NRXN1: variants seen among roughly 807,000 people sequenced by gnomAD.
NRXN1 encodes neurexin-1.
Under a neutral mutation model 150.9 loss-of-function variants are expected in NRXN1, and 39 were observed. The observed-to-expected ratio is 0.26, with a 90% CI of 0.20 to 0.34. The LOEUF (loss-of-function observed/expected upper bound fraction) is 0.34, where lower values mean the gene tolerates loss of function less well. NRXN1 is among the 10% of genes least tolerant of loss of function. The pLI, the probability that NRXN1 is intolerant of heterozygous loss-of-function variation, is 1.00. For missense variants in NRXN1, 1,815 were observed against 1,949.9 expected (o/e 0.93, Z 1.30); for synonymous variants, 924 against 757.0 (o/e 1.22, Z -3.62).
At chr2:50,050,123 T>C (rs890137457) in intron 21 of NRXN1, among the ~76,000 whole-genome samples, 4 of 151,334 alleles carry the variant, frequency 2.6e-5, no homozygotes, top group Non-Finnish European at 4.4e-5. Context: ...AAGTAAACAT[T>C]GGGCTGAAAA....
At chr2:50,938,165 T>C (rs190318642) in intron 2 of NRXN1, among the ~76,000 whole-genome samples, 354 of 152,254 alleles carry the variant, frequency 2.3e-3, no homozygotes, top group Non-Finnish European at 4.0e-3. Flanking sequence ...CAGTAGATAG[T>C]GAGTAAATGT....
intron 9 of NRXN1, among the ~76,000 whole-genome samples, chr2:50,543,925 C>G (rs981398821): frequency 6.6e-6 from 1 of 152,000 alleles, no homozygotes; most frequent in Non-Finnish European, 1.5e-5. Flanking sequence ...GTGAGAAAAT[C>G]CGATGTTCCA....
At chr2:51,013,351 T>C (rs735194) in intron 2 of NRXN1, among the ~76,000 whole-genome samples, 2,893 of 152,036 alleles carry the variant, frequency 0.019, 98 homozygotes, top group African/African-American at 0.067. Flanking sequence ...GTCAAGTCAC[T>C]GGGGGAAGTA....
Position 50,347,185 on chromosome 2 carries a change from G to A in NRXN1, c.3365-110215C>T. On this transcript the variant is annotated intron_variant, in intron 17 of 22. Transcript: ENST00000401669. The surrounding 1 kb of genome is among the most constrained non-coding windows in gnomAD (Gnocchi z 4.9). ...CCGAGGCGAATGCAGCTGGAGAGGG[G>A]CTTGTCCGGAAAGGCAGCCCCGGGA... 7.4e-7 allele frequency: 1 copy of A among 1,356,512 alleles called. No individual in the cohort carries two copies. Among genetic ancestry groups the A allele is most frequent in the Non-Finnish European group, 9.7e-7 (1 of 1,033,730 alleles). 84.0% of individuals were successfully genotyped at this position (1,356,512 alleles called of 1,614,324 possible). A position where few individuals can be genotyped will look rare whatever the true frequency, so the allele number is the denominator to read the frequency against.
At chr2:50,210,175 C>G (rs1194442645) in intron 18 of NRXN1, among the ~76,000 whole-genome samples, 2 of 151,882 alleles carry the variant, frequency 1.3e-5, no homozygotes, top group Non-Finnish European at 2.9e-5. Context: ...AAAGAATAGC[C>G]TTGTTTTGTT....
At chr2:50,320,597 C>A (rs7572697) in intron 17 of NRXN1, among the ~76,000 whole-genome samples, 1 of 151,336 alleles carries the variant, frequency 6.6e-6, no homozygotes, top group East Asian at 2.0e-4. Context: ...CCAAGAGGAA[C>A]TAGAAAGAGA....
chr2:50,820,801 G>A (rs1669616956), intron 5 of NRXN1, among the ~76,000 whole-genome samples: 1 of 152,118 alleles, frequency 6.6e-6, no homozygotes, highest in Admixed American at 6.6e-5. Context: ...ACCACTTACA[G>A]TGCCAATTTC....
chr2:50,940,074 T>C (rs958994006), intron 2 of NRXN1, among the ~76,000 whole-genome samples: 13 of 152,326 alleles, frequency 8.5e-5, no homozygotes, highest in African/African-American at 2.9e-4. Flanking sequence ...TTATTTCCTA[T>C]TTATTATTTA....
At chr2:50,954,426 T>C (rs963437953) in intron 2 of NRXN1, among the ~76,000 whole-genome samples, 1 of 152,228 alleles carries the variant, frequency 6.6e-6, no homozygotes, top group Non-Finnish European at 1.5e-5. Flanking sequence ...TTCACTGATG[T>C]AAATGCTACT....
chr2:50,553,020 T>C lies in NRXN1; in HGVS notation c.1326A>G (p.Val442=), dbSNP rs201485014. 13 of 1,605,646 alleles carry C rather than the reference T, an allele frequency of 8.1e-6. No individual in the cohort carries two copies. Among genetic ancestry groups the C allele is most frequent in the Middle Eastern group, 3.3e-4 (2 of 6,028 alleles). ...NNFMGCLKEV[V]YKNNDVRLEL... ...CCAGCCTCACATCATTATTTTTATA[T>C]ACAACCTGTGGGCAGAGGATAGCAG... The change falls in exon 9 of 23, where the codon GTA becomes GTG. Residue 442 remains valine, a synonymous_variant. Transcript: ENST00000401669.
intron 5 of NRXN1, among the ~76,000 whole-genome samples, chr2:50,697,579 G>A (rs1184574213): frequency 6.6e-6 from 1 of 152,070 alleles, no homozygotes; most frequent in African/African-American, 2.4e-5. Context: ...AACCTAACGC[G>A]ACACTCCCCT....
intron 2 of NRXN1, among the ~76,000 whole-genome samples, chr2:50,988,587 T>C (rs748103947): frequency 4.6e-5 from 7 of 151,948 alleles, no homozygotes; most frequent in Non-Finnish European, 8.8e-5. Context: ...TCCCCTCTCC[T>C]GTTTAAATTC....
chr2:50,003,702 C>G (rs957814751), intron 21 of NRXN1, among the ~76,000 whole-genome samples: 28 of 152,202 alleles, frequency 1.8e-4, no homozygotes, highest in African/African-American at 6.7e-4. Context: ...TTTTCACATC[C>G]TTGTTTTAAA....
intron 2 of NRXN1, among the ~76,000 whole-genome samples, chr2:50,938,099 G>A (rs536789161): frequency 7.2e-5 from 11 of 152,148 alleles, no homozygotes; most frequent in African/African-American, 2.6e-4. Context: ...CACCTGTGCA[G>A]GGCACTTACC....
chr2:50,237,034 G>T, intron 17 of NRXN1, 64 bp from the exon 18 acceptor site: 1 of 1,465,162 alleles, frequency 6.8e-7, no homozygotes, highest in Non-Finnish European at 9.5e-7. Context: ...AGCAAGGCAT[G>T]TTATATTGAT....
At chr2:50,057,381 A>G (rs1363044) in intron 19 of NRXN1, among the ~76,000 whole-genome samples, 95,396 of 151,986 alleles carry the variant, frequency 0.63, 30,226 homozygotes, top group Middle Eastern at 0.68. Context: ...GCTAACCATT[A>G]CTAATTAATG....
intron 17 of NRXN1, among the ~76,000 whole-genome samples, chr2:50,400,050 T>C (rs1046819113): frequency 4.6e-5 from 7 of 151,990 alleles, no homozygotes; most frequent in Non-Finnish European, 8.8e-5. Context: ...CAAACAGAGC[T>C]TGTGGCATAA....
rs1223652018 is a variant in NRXN1, at chr2:49,920,195, TA to T, written c.*1748del. The T allele has an allele frequency of 6.6e-6, 1 of 152,196 alleles. No individual in the cohort carries two copies. 9.4% of individuals were successfully genotyped at this position (152,196 alleles called of 1,614,324 possible). A position where few individuals can be genotyped will look rare whatever the true frequency, so the allele number is the denominator to read the frequency against. On this transcript the variant is annotated 3_prime_UTR_variant, in exon 23 of 23. Transcript: ENST00000401669. ...AACTAAAACTATATTTAATGATATA[TA>T]TGTAAAACCAGAAAAGTTAAAACAT...
chr2:49,941,240 G>C (rs139740790), intron 22 of NRXN1, among the ~76,000 whole-genome samples: 314 of 151,682 alleles, frequency 2.1e-3, no homozygotes, highest in Non-Finnish European at 3.4e-3. Context: ...AGAAAACAAA[G>C]GTAGAAAGAT....
Sources: allele counts gnomAD v4.1 joint callset (sites outside exome capture counted in the v4.1 genomes callset), GRCh38; gene constraint gnomAD v4.1.1; non-coding constraint Gnocchi (gnomAD v3.1); transcripts MANE v1.5; gene names NCBI Gene and HGNC (gene_info 2026-07-23, HGNC 2026-07-21).